The following GBF1 variants were observed in gnomAD, a reference collection of about 807,000 sequenced individuals.
The protein encoded by GBF1 is Golgi-specific brefeldin A-resistance guanine nucleotide exchange factor 1.
In GBF1, 114 loss-of-function variants were observed where a neutral mutation model predicts 210.5. The observed-to-expected ratio is 0.54, with a 90% CI of 0.47 to 0.63. GBF1 has a LOEUF of 0.63. GBF1 is among the 30% of genes least tolerant of loss of function. The probability of loss-of-function intolerance (pLI) is 0.00; values close to 1 mark genes in which losing one functional copy is unlikely to be tolerated. For synonymous variants in GBF1, 850 were observed against 889.2 expected (o/e 0.96, Z 0.78); for missense variants, 1,851 against 2,357.7 (o/e 0.79, Z 4.45).
intron 3 of GBF1, among the ~76,000 whole-genome samples, chr10:102,271,299 A>G (rs1205732429): frequency 2.6e-5 from 4 of 152,068 alleles, no homozygotes; most frequent in Admixed American, 1.3e-4. Context: ...GGCCTCCCCA[A>G]GTGCTGGAAT....
At position 102,376,446 on chromosome 10, in the gene GBF1, T is replaced by A. The variant is rs776206672; in HGVS notation, c.4047+14T>A. On this transcript the variant is annotated intron_variant, in intron 31 of 39. Coordinates refer to ENST00000369983, the MANE Select transcript of GBF1 (RefSeq NM_001377137.1). ...GGTTGGTTAGTGGTGAGTGACAATA[T>A]GGGCAGCAATTGAGTCTCTCCTGCT... The A allele has an allele frequency of 1.9e-6, 3 of 1,613,956 alleles. No individual in the cohort carries two copies. The highest frequency in any genetic ancestry group is 2.2e-5 in the East Asian group (1 of 44,882).
chr10:102,317,309 T>C (rs1404454506), intron 3 of GBF1, among the ~76,000 whole-genome samples: 2 of 152,176 alleles, frequency 1.3e-5, no homozygotes, highest in East Asian at 3.9e-4. Flanking sequence ...ATTATATAAA[T>C]TTAGGAAGAT....
intron 3 of GBF1, among the ~76,000 whole-genome samples, chr10:102,325,482 G>A (rs548358120): frequency 5.3e-5 from 8 of 150,300 alleles, no homozygotes; most frequent in South Asian, 4.2e-4. Flanking sequence ...CTCAGGAGAC[G>A]GAGGTTGCAG....
intron 39 of GBF1, among the ~76,000 whole-genome samples, chr10:102,381,639 A>G (rs1249667524): frequency 1.3e-5 from 2 of 151,898 alleles, no homozygotes; most frequent in Admixed American, 6.6e-5. Context: ...CCTGGCCAAC[A>G]TGGTGAAACC....
At chr10:102,338,851 C>T (rs767724308) in intron 3 of GBF1, among the ~76,000 whole-genome samples, 17 of 151,964 alleles carry the variant, frequency 1.1e-4, no homozygotes, top group Non-Finnish European at 2.1e-4. Context: ...CCAAGAAGAT[C>T]TGAATAATGG....
At chr10:102,339,427 G>A (rs886410954) in intron 3 of GBF1, among the ~76,000 whole-genome samples, 3 of 151,680 alleles carry the variant, frequency 2.0e-5, no homozygotes, top group African/African-American at 7.3e-5. Context: ...AGCACTTTGG[G>A]AGGCTGAGGC....
chr10:102,232,139 C>G, the GBF1 span: 1 of 1,074,490 alleles, frequency 9.3e-7, no homozygotes, highest in East Asian at 2.5e-5. Context: ...GGTAAAATCT[C>G]CGGCTTAGCT....
intron 3 of GBF1, among the ~76,000 whole-genome samples, chr10:102,274,699 A>AAT (rs2074763268): frequency 1.4e-5 from 1 of 71,700 alleles, no homozygotes; most frequent in African/African-American, 6.5e-5. Flanking sequence ...CAAAACAAAG[A>AAT]TTTTTTTTTT....
intron 29 of GBF1, among the ~76,000 whole-genome samples, chr10:102,372,829 A>T (rs1282706763): frequency 6.6e-6 from 1 of 152,208 alleles, no homozygotes; most frequent in African/African-American, 2.4e-5. Flanking sequence ...AACAGGAGAA[A>T]ATCTTCAGGA....
chr10:102,319,920 G>A (rs772432659), intron 3 of GBF1, among the ~76,000 whole-genome samples: 66 of 151,428 alleles, frequency 4.4e-4, no homozygotes, highest in Non-Finnish European at 7.7e-4. Context: ...GTAGAGATGG[G>A]GTTTCACCAT....
intron 3 of GBF1, among the ~76,000 whole-genome samples, chr10:102,275,295 G>T (rs1265531792): frequency 6.6e-6 from 1 of 152,140 alleles, no homozygotes; most frequent in Admixed American, 6.5e-5. Context: ...TAGCCCAAGG[G>T]TCTCATGTGA....
chr10:102,376,382 A>G lies in GBF1; in HGVS notation c.3997A>G (p.Ile1333Val), dbSNP rs1382979382. The G allele has an allele frequency of 1.2e-6, 2 of 1,614,144 alleles. No individual in the cohort carries two copies. Among genetic ancestry groups the G allele is most frequent in the Admixed American group, 3.3e-5 (2 of 60,024 alleles). Residue 1333 changes from isoleucine to valine, a missense_variant, in exon 31 of 40, where the codon ATA becomes GTA. Around this residue, in one of 3 missense-constraint regions of GBF1, gnomAD observed 967 missense variants for 1,247.7 expected, o/e 0.78. Transcript: ENST00000369983. ...VYTDHGRPGK[I>V]HRSATDADVV... The stretch of plus-strand genomic sequence containing the variant: ...CACTGACCATGGCAGGCCGGGCAAG[A>G]TACACCGATCAGCCACAGATGCCGA...
chr10:102,242,578 A>G (rs1477842862), upstream of GBF1, among the ~76,000 whole-genome samples: 1 of 152,174 alleles, frequency 6.6e-6, no homozygotes, highest in Non-Finnish European at 1.5e-5. Flanking sequence ...CTCAATTTCC[A>G]GGAAACAGGC....
At chr10:102,364,390 A>G (rs942493193) in intron 17 of GBF1, among the ~76,000 whole-genome samples, 9 of 148,884 alleles carry the variant, frequency 6.0e-5, no homozygotes, top group Non-Finnish European at 1.3e-4. Flanking sequence ...ATGCCTGGCT[A>G]ATTTTTTGTA....
At position 102,377,052 on chromosome 10, in the gene GBF1, A is replaced by C. The variant is rs997282828; in HGVS notation, c.4406A>C (p.His1469Pro). ...CGCCGGCCTCGAACCTCCAGCCAACATGCCTCTCGGGGCGGGCAGAGTGAT... is the reference window on the plus strand; with the variant it reads ...CGCCGGCCTCGAACCTCCAGCCAACCTGCCTCTCGGGGCGGGCAGAGTGAT... ...MLRRPRTSSQ[H>P]ASRGGQSDDD... The change falls in exon 33 of 40, where the codon CAT becomes CCT. Residue 1469 changes from histidine (H) to proline (P), a missense_variant. This residue lies in a region of GBF1 where 967 missense variants were observed against 1,247.7 expected (regional missense o/e 0.78). Transcript: ENST00000369983. 6.2e-7 allele frequency: 1 copy of C among 1,614,140 alleles called. No homozygotes were observed. The highest frequency in any genetic ancestry group is 1.3e-5 in the African/African-American group (1 of 75,050).
chr10:102,284,881 A>G (rs1478729575), intron 3 of GBF1, among the ~76,000 whole-genome samples: 1 of 152,094 alleles, frequency 6.6e-6, no homozygotes, highest in Non-Finnish European at 1.5e-5. Flanking sequence ...TCCCACCAAG[A>G]ATGCATGAGG....
chr10:102,333,464 C>T (rs908046073), intron 3 of GBF1, among the ~76,000 whole-genome samples: 1 of 152,050 alleles, frequency 6.6e-6, no homozygotes, highest in Non-Finnish European at 1.5e-5. Context: ...GGACCACTAC[C>T]CCTCTTTTTT....
At chr10:102,368,147 A>C in intron 21 of GBF1, 71 bp from the exon 22 acceptor site, 1 of 946,900 alleles carries the variant, frequency 1.1e-6, no homozygotes, top group Non-Finnish European at 1.7e-6. Context: ...GTATGGATGA[A>C]CTCCTAGTCT....
chr10:102,358,574 G>C lies in GBF1; in HGVS notation c.856G>C (p.Val286Leu). The change falls in exon 10 of 40, where the codon GTC becomes CTC. Residue 286 changes from valine to leucine, a missense_variant. Transcript: ENST00000369983. The stretch of plus-strand genomic sequence containing the variant: ...AAGTTCAGAAGCTGCCTCAGCAGTG[G>C]TCAGTCCCTCTACAGACAGTGGCCT... ...SASSEAASAV[V>L]SPSTDSGLEF... The C allele has an allele frequency of 4.3e-6, 7 of 1,614,010 alleles. No individual in the cohort carries two copies. The highest frequency in any genetic ancestry group is 5.9e-6 in the Non-Finnish European group (7 of 1,179,936).
Sources: gnomAD v4.1 joint callset for allele counts (sites outside exome capture counted in the v4.1 genomes callset) on GRCh38, gnomAD v4.1.1 for gene constraint, gnomAD v4.1.1 regional missense constraint, MANE v1.5 for transcripts, NCBI Gene and HGNC (gene_info 2026-07-23, HGNC 2026-07-21) for gene names.